Variants in EIF2B3 observed in about 807,000 individuals in gnomAD.
EIF2B3 encodes eukaryotic translation initiation factor 2B subunit gamma, also known as translation initiation factor eIF2B subunit gamma.
In EIF2B3, 20 loss-of-function variants were observed where a neutral mutation model predicts 54.1. That is an observed-to-expected ratio of 0.37 (90% CI 0.26 to 0.54). The LOEUF is 0.54. Ranked by LOEUF, EIF2B3 falls within the 20% of genes least tolerant of loss-of-function variation. The probability of loss-of-function intolerance (pLI) is 0.86; values close to 1 mark genes in which losing one functional copy is unlikely to be tolerated. For synonymous variants in EIF2B3, 153 were observed against 188.1 expected (o/e 0.81, Z 1.52); for missense variants, 448 against 547.8 (o/e 0.82, Z 1.82).
At chr1:44,959,708 A>G (rs539266586) in intron 3 of EIF2B3, among the ~76,000 whole-genome samples, 28 of 152,284 alleles carry the variant, frequency 1.8e-4, no homozygotes, top group African/African-American at 6.5e-4. Flanking sequence ...CTCATTGGCA[A>G]TGGGGAATGG....
At chr1:44,857,518 T>C (rs974065463) in intron 11 of EIF2B3, among the ~76,000 whole-genome samples, 186 bp downstream of exon 11, 26 of 144,454 alleles carry the variant, frequency 1.8e-4, no homozygotes, top group African/African-American at 6.4e-4. Context: ...GCAACAAGAG[T>C]GAAACTCCGA....
At chr1:44,892,757 A>G (rs1464664328) in intron 6 of EIF2B3, among the ~76,000 whole-genome samples, 2 of 152,236 alleles carry the variant, frequency 1.3e-5, no homozygotes, top group South Asian at 2.1e-4. Context: ...GCATCTTCAG[A>G]TATCAGTATG....
intron 3 of EIF2B3, among the ~76,000 whole-genome samples, chr1:44,946,627 C>CTTTTT (rs35199520): frequency 2.3e-5 from 3 of 131,868 alleles, no homozygotes; most frequent in African/African-American, 2.8e-5. Context: ...TCTTCTTCTT[C>CTTTTT]TTTTTTTTTT....
intron 5 of EIF2B3, among the ~76,000 whole-genome samples, chr1:44,920,531 C>T (rs946963860): frequency 6.6e-6 from 1 of 152,132 alleles, no homozygotes; most frequent in African/African-American, 2.4e-5. Context: ...ACTCCCACCA[C>T]CCCCACACTC....
chr1:44,943,694 G>A (rs6698969), intron 3 of EIF2B3, among the ~76,000 whole-genome samples: 1 of 152,020 alleles, frequency 6.6e-6, no homozygotes, highest in African/African-American at 2.4e-5. Flanking sequence ...AAAGTGCTAG[G>A]AGTACAGGCG....
intron 5 of EIF2B3, among the ~76,000 whole-genome samples, chr1:44,912,409 AG>A (rs1365691133): frequency 7.9e-5 from 12 of 152,100 alleles, no homozygotes; most frequent in Admixed American, 7.9e-4. Context: ...ATTTTTTTTC[AG>A]AATCCTATAT....
chr1:44,941,802 T>A, intron 3 of EIF2B3, 137 bp from the exon 4 acceptor site: 1 of 1,022,850 alleles, frequency 9.8e-7, no homozygotes, highest in East Asian at 2.5e-5. Flanking sequence ...GCCAAACAAG[T>A]AAAATAAATG....
chr1:44,951,791 C>CTTT (rs59135544), intron 3 of EIF2B3, among the ~76,000 whole-genome samples: 11 of 140,032 alleles, frequency 7.9e-5, no homozygotes, highest in African/African-American at 7.9e-5. Context: ...CTCCCTTCCT[C>CTTT]TTTTTTTTTT....
intron 5 of EIF2B3, among the ~76,000 whole-genome samples, chr1:44,903,689 C>T (rs190700465): frequency 2.6e-5 from 4 of 152,104 alleles, no homozygotes; most frequent in African/African-American, 9.7e-5. Context: ...TGAATGAGAC[C>T]GTAAGAATTT....
chr1:44,855,815 C>T (rs1573677066), intron 11 of EIF2B3, among the ~76,000 whole-genome samples: 2 of 152,138 alleles, frequency 1.3e-5, no homozygotes, highest in East Asian at 3.8e-4. Flanking sequence ...CTTCGGCCTC[C>T]CAAAGTGCTA....
chr1:44,885,728 T>C (rs1021506972), intron 6 of EIF2B3, among the ~76,000 whole-genome samples: 10 of 151,864 alleles, frequency 6.6e-5, no homozygotes, highest in Admixed American at 2.6e-4. Context: ...GAATGTCATA[T>C]AGGCAAAACT....
intron 10 of EIF2B3, among the ~76,000 whole-genome samples, chr1:44,872,504 G>T (rs1044420916): frequency 6.6e-6 from 1 of 152,010 alleles, no homozygotes; most frequent in African/African-American, 2.4e-5. Flanking sequence ...AAAAAAATTA[G>T]CTGGGCCTGG....
intron 1 of EIF2B3, 105 bp from the exon 2 acceptor site, chr1:44,981,282 G>T: frequency 8.6e-7 from 1 of 1,156,176 alleles, no homozygotes; most frequent in Non-Finnish European, 1.3e-6. Flanking sequence ...TACCCACTAT[G>T]TCAAATGCAT....
intron 5 of EIF2B3, among the ~76,000 whole-genome samples, chr1:44,917,755 CTTTTTTTTTTTTTTTTTTTTTTT>C (rs869139321): frequency 1.1e-4 from 5 of 44,232 alleles, no homozygotes; most frequent in Admixed American, 7.0e-4. Flanking sequence ...CAATAACACT[CTTTTTTTTTTTTTTTTTTTTTTT>C]TTTTTTTTTT....
chr1:44,894,615 T>G (rs263977), intron 6 of EIF2B3, among the ~76,000 whole-genome samples: 65,507 of 151,930 alleles, frequency 0.43, 15,024 homozygotes, highest in African/African-American at 0.59. Flanking sequence ...TCTACATAAA[T>G]AACACAGGGT....
At chr1:44,864,916 C>T (rs1654720106) in intron 10 of EIF2B3, among the ~76,000 whole-genome samples, 3 of 152,144 alleles carry the variant, frequency 2.0e-5, no homozygotes, top group Admixed American at 2.0e-4. Context: ...GAAATGTTAT[C>T]ATAGAAAAGT....
chr1:44,964,532 G>A (rs1363903596), intron 3 of EIF2B3, among the ~76,000 whole-genome samples: 1 of 152,188 alleles, frequency 6.6e-6, no homozygotes, highest in Non-Finnish European at 1.5e-5. Context: ...CATATGCTCA[G>A]TCTTTCTAAT....
intron 5 of EIF2B3, among the ~76,000 whole-genome samples, chr1:44,923,367 A>G (rs550005495): frequency 6.6e-6 from 1 of 152,232 alleles, no homozygotes; most frequent in African/African-American, 2.4e-5. Context: ...TATTTGATTG[A>G]TAGTTTGATT....
rs1004915582 is a variant in EIF2B3 at position 44,881,469 on chromosome 1, T to G, written c.784+143A>C. 44 of 1,146,670 alleles carry G rather than the reference T, an allele frequency of 3.8e-5. No individual in the cohort carries two copies. The Admixed American group carries it at 6.6e-4, about 17-fold the overall frequency. 71.0% of individuals were successfully genotyped at this position (1,146,670 alleles called of 1,614,324 possible). On this transcript the variant is annotated intron_variant, in intron 7 of 11. Transcript: ENST00000360403. This position sits in a 1 kb window ranked among gnomAD's most constrained non-coding sequence, Gnocchi z 4.0. ...GCAAGCTTACCCAGAGCTCAGTGGG[T>G]TGGCAAGCCTGTCTTGCCTCGTAGG...
Sources: allele counts gnomAD v4.1 joint callset (sites outside exome capture counted in the v4.1 genomes callset), GRCh38; gene constraint gnomAD v4.1.1; non-coding constraint Gnocchi (gnomAD v3.1); transcripts MANE v1.5; gene names NCBI Gene and HGNC (gene_info 2026-07-23, HGNC 2026-07-21).